Variants in LRMDA observed in about 807,000 individuals in gnomAD.
LRMDA encodes leucine-rich melanocyte differentiation-associated protein.
In LRMDA, 18 loss-of-function variants were observed where a neutral mutation model predicts 29.8. That is an observed-to-expected ratio of 0.60 (90% CI 0.42 to 0.90). The LOEUF is 0.90. Ranked by LOEUF, LRMDA falls within the 40% of genes least tolerant of loss-of-function variation. The pLI is 0.00. For missense variants in LRMDA, 273 were observed against 273.9 expected, an observed-to-expected ratio of 1.00 and a Z score of 0.02; for synonymous variants, 125 against 109.4, an observed-to-expected ratio of 1.14 and a Z score of -0.89.
rs528850017 is a variant in LRMDA at position 75,753,978 on chromosome 10, A to T, written c.132-282030A>T. On this transcript the variant is annotated intron_variant, in intron 2 of 6. Transcript: ENST00000611255. ...TGGGAATGAAGGAGAGGAATCAAAG[A>T]TGTTTCCCAGAATGGTGAATTACGG... 2.6e-5 allele frequency among the ~76,000 whole-genome samples: 4 copies of T among 152,330 alleles called. No homozygotes were observed. The East Asian group carries it at 7.7e-4, about 29-fold the overall frequency.
At chr10:75,504,580 G>T (rs555482462) in intron 2 of LRMDA, among the ~76,000 whole-genome samples, 1 of 152,168 alleles carries the variant, frequency 6.6e-6, no homozygotes, top group Admixed American at 6.5e-5. Flanking sequence ...GTAGTAATAG[G>T]GGGGAGTCAT....
chr10:75,464,964 C>T (rs1844631125), intron 2 of LRMDA, among the ~76,000 whole-genome samples: 1 of 152,186 alleles, frequency 6.6e-6, no homozygotes, highest in Non-Finnish European at 1.5e-5. Context: ...GCTGAGGGAA[C>T]TCAGGAAAGC....
At chr10:75,706,124 T>C (rs186985621) in intron 2 of LRMDA, among the ~76,000 whole-genome samples, 1 of 152,298 alleles carries the variant, frequency 6.6e-6, no homozygotes, top group Admixed American at 6.5e-5. Context: ...TGCTTCACTG[T>C]CTTTATTATC....
intron 2 of LRMDA, among the ~76,000 whole-genome samples, chr10:75,484,807 C>T (rs1403624152): frequency 2.0e-5 from 3 of 152,176 alleles, no homozygotes; most frequent in Non-Finnish European, 4.4e-5. Context: ...AAAGAGGCCT[C>T]ACTGGAAGCC....
chr10:76,068,461 A>G (rs1589312545), intron 5 of LRMDA, among the ~76,000 whole-genome samples: 1 of 152,142 alleles, frequency 6.6e-6, no homozygotes, highest in East Asian at 1.9e-4. Flanking sequence ...AAACTGCTCC[A>G]CCTCAGATCA....
At chr10:75,933,495 G>A (rs1051960348) in intron 2 of LRMDA, among the ~76,000 whole-genome samples, 1 of 152,188 alleles carries the variant, frequency 6.6e-6, no homozygotes, top group African/African-American at 2.4e-5. Flanking sequence ...AGTGGATTCA[G>A]CCCAAGGTGG....
chr10:76,380,224 T>C (rs1166083914), intron 6 of LRMDA, among the ~76,000 whole-genome samples: 1 of 152,340 alleles, frequency 6.6e-6, no homozygotes, highest in East Asian at 1.9e-4. Context: ...GTTAGGTTGA[T>C]TTGATCTAGA....
chr10:76,002,519 G>A (rs1847579481), intron 2 of LRMDA, among the ~76,000 whole-genome samples: 2 of 152,162 alleles, frequency 1.3e-5, no homozygotes, highest in Non-Finnish European at 2.9e-5. Context: ...AATGGGGATG[G>A]TAATCAATCT....
chr10:76,121,660 C>T (rs1849791866), intron 5 of LRMDA, among the ~76,000 whole-genome samples: 3 of 152,136 alleles, frequency 2.0e-5, no homozygotes, highest in Admixed American at 2.0e-4. Context: ...TTCTGTTTTC[C>T]CCAGTACGGT....
intron 2 of LRMDA, among the ~76,000 whole-genome samples, chr10:75,520,467 A>T (rs189222468): frequency 4.6e-5 from 7 of 152,256 alleles, no homozygotes; most frequent in African/African-American, 1.7e-4. Flanking sequence ...ACTTGATCGA[A>T]TCAGCTATTG....
chr10:76,549,536 T>C (rs1843469099), intron 6 of LRMDA, among the ~76,000 whole-genome samples: 1 of 152,184 alleles, frequency 6.6e-6, no homozygotes, highest in South Asian at 2.1e-4. Context: ...AACCCTTGAA[T>C]TGGTGCTCCA....
chr10:76,309,068 A>AG (rs1173986402), intron 5 of LRMDA, among the ~76,000 whole-genome samples: 3 of 152,180 alleles, frequency 2.0e-5, no homozygotes, highest in Admixed American at 6.5e-5. Context: ...GCCTTTGCCC[A>AG]GCTTTTGTTT....
At chr10:76,064,610 T>G (rs891401319) in intron 5 of LRMDA, among the ~76,000 whole-genome samples, 3 of 152,224 alleles carry the variant, frequency 2.0e-5, no homozygotes, top group Non-Finnish European at 2.9e-5. Context: ...TAAACTACAC[T>G]GCGTATGTCT....
intron 5 of LRMDA, among the ~76,000 whole-genome samples, chr10:76,315,015 C>A (rs1431693533): frequency 6.6e-6 from 1 of 152,200 alleles, no homozygotes; most frequent in East Asian, 1.9e-4. Context: ...GTTTTCTTTG[C>A]CAGGCACCTT....
intron 2 of LRMDA, among the ~76,000 whole-genome samples, chr10:75,905,155 A>AGC (rs1845737875): frequency 6.6e-6 from 1 of 151,876 alleles, no homozygotes; most frequent in Non-Finnish European, 1.5e-5. Flanking sequence ...ATGTGTGAAA[A>AGC]TATTTGTCCC....
At chr10:75,675,204 T>C (rs1486147498) in intron 2 of LRMDA, among the ~76,000 whole-genome samples, 1 of 152,224 alleles carries the variant, frequency 6.6e-6, no homozygotes, top group Non-Finnish European at 1.5e-5. Flanking sequence ...AACATTTTAC[T>C]TACAGCAAAT....
chr10:76,166,664 G>T (rs1850746246), intron 5 of LRMDA, among the ~76,000 whole-genome samples: 1 of 152,028 alleles, frequency 6.6e-6, no homozygotes, highest in African/African-American at 2.4e-5. Context: ...CTTTTTTATG[G>T]CTGCGTAGTA....
intron 2 of LRMDA, among the ~76,000 whole-genome samples, chr10:75,652,956 AG>A (rs1395044058): frequency 4.6e-5 from 7 of 152,206 alleles, no homozygotes; most frequent in Admixed American, 4.6e-4. Context: ...TGGTGACTAA[AG>A]GCCAGAGATG....
chr10:75,663,216 T>A (rs1246930672), intron 2 of LRMDA, among the ~76,000 whole-genome samples: 1 of 152,188 alleles, frequency 6.6e-6, no homozygotes, highest in Non-Finnish European at 1.5e-5. Context: ...AAGACCCCTA[T>A]GTCTGCCAGC....
Sources: allele counts gnomAD v4.1 joint callset (sites outside exome capture counted in the v4.1 genomes callset), GRCh38; gene constraint gnomAD v4.1.1; transcripts MANE v1.5; gene names NCBI Gene and HGNC (gene_info 2026-07-23, HGNC 2026-07-21).